Variants in ASTN2 observed in about 807,000 individuals in gnomAD.
ASTN2 encodes astrotactin 2.
Under a neutral mutation model 139.8 loss-of-function variants are expected in ASTN2, and 54 were observed. The ratio of observed to expected loss-of-function variants is 0.39; its 90% confidence interval spans 0.31 to 0.48. ASTN2 has a LOEUF of 0.48. Among genes scored for constraint, ASTN2 ranks in the 20% least tolerant of loss-of-function variants. The pLI is 0.95. For missense variants in ASTN2, 1,565 were observed against 1,725.1 expected, an observed-to-expected ratio of 0.91 and a Z score of 1.64; for synonymous variants, 756 against 719.5, an observed-to-expected ratio of 1.05 and a Z score of -0.81.
chr9:116,907,404 G>C (rs1360355634), intron 10 of ASTN2, among the ~76,000 whole-genome samples: 1 of 152,206 alleles, frequency 6.6e-6, no homozygotes, highest in Non-Finnish European at 1.5e-5. Context: ...CCTCAGGGAA[G>C]TGTCCGAGGC....
chr9:117,153,840 A>C (rs1312488380), intron 3 of ASTN2, among the ~76,000 whole-genome samples: 3 of 152,088 alleles, frequency 2.0e-5, no homozygotes, highest in African/African-American at 7.2e-5. Flanking sequence ...CAGTTTTTAG[A>C]GTTGAGCTAT....
At chr9:116,716,319 C>G (rs1196720529) in intron 16 of ASTN2, among the ~76,000 whole-genome samples, 1 of 152,174 alleles carries the variant, frequency 6.6e-6, no homozygotes, top group East Asian at 1.9e-4. Context: ...AATGAGCAGT[C>G]TGCCAATCAA....
At chr9:116,507,331 A>C (rs369005854) in intron 19 of ASTN2, among the ~76,000 whole-genome samples, 2 of 152,190 alleles carry the variant, frequency 1.3e-5, no homozygotes, top group South Asian at 2.1e-4. Flanking sequence ...AATTAAGTGA[A>C]TCTCCTGTTT....
At chr9:116,893,746 C>T (rs1833819082) in intron 10 of ASTN2, among the ~76,000 whole-genome samples, 1 of 152,068 alleles carries the variant, frequency 6.6e-6, no homozygotes, top group East Asian at 1.9e-4. Flanking sequence ...TCCCTTTATG[C>T]AACAGGCCAA....
chr9:116,572,127 T>G (rs1208054152), intron 19 of ASTN2, among the ~76,000 whole-genome samples: 1 of 152,120 alleles, frequency 6.6e-6, no homozygotes, highest in Non-Finnish European at 1.5e-5. Context: ...TGTCTCTGCC[T>G]CTGTGAAATG....
At chr9:116,837,897 C>G (rs925688619) in intron 11 of ASTN2, among the ~76,000 whole-genome samples, 2 of 152,158 alleles carry the variant, frequency 1.3e-5, no homozygotes, top group Admixed American at 6.5e-5. Context: ...AGGAACAGCA[C>G]TAGTCTTAGA....
chr9:116,573,500 T>C lies in ASTN2; in HGVS notation c.3355+44824A>G, dbSNP rs528893287. Among the ~76,000 whole-genome samples, 5 of 152,306 alleles carry C rather than the reference T, an allele frequency of 3.3e-5. No homozygotes were observed. In the East Asian group the frequency reaches 9.6e-4, roughly 29 times the overall value. ...TGTACTCAGCATTTCACAAAAGATATGAATAATGGATTTTTTTTCCAGAAT... is the reference window on the plus strand; with the variant it reads ...TGTACTCAGCATTTCACAAAAGATACGAATAATGGATTTTTTTTCCAGAAT... On this transcript the variant is annotated intron_variant, in intron 19 of 22. Coordinates refer to ENST00000313400, the MANE Select transcript of ASTN2 (RefSeq NM_001365068.1).
intron 3 of ASTN2, among the ~76,000 whole-genome samples, chr9:117,142,046 G>A (rs977087647): frequency 6.6e-6 from 1 of 152,194 alleles, no homozygotes; most frequent in Admixed American, 6.5e-5. Flanking sequence ...AAGCATGTGT[G>A]ATGATCTGAA....
chr9:117,046,016 GTA>G lies in ASTN2; in HGVS notation c.1277-6053_1277-6052del, dbSNP rs879546750. Among the ~76,000 whole-genome samples, 410 of 151,248 alleles carry G rather than the reference GTA, an allele frequency of 2.7e-3. 5 individuals carry two copies. The highest frequency in any genetic ancestry group is 6.8e-3 in the Middle Eastern group (2 of 292). On this transcript the variant is annotated intron_variant, in intron 5 of 22. Coordinates refer to ENST00000313400, the MANE Select transcript of ASTN2 (RefSeq NM_001365068.1). ...CGTATGTATGTATGTATGTATGTAT[GTA>G]TGTATGTAGTCTCACTCTGTCACCC...
At chr9:116,657,148 A>C (rs1858265879) in intron 16 of ASTN2, among the ~76,000 whole-genome samples, 1 of 152,176 alleles carries the variant, frequency 6.6e-6, no homozygotes, top group Admixed American at 6.5e-5. Context: ...AAATATCTTT[A>C]AGAAGGGGAA....
At chr9:117,256,413 A>C (rs967708246) in intron 2 of ASTN2, among the ~76,000 whole-genome samples, 5 of 152,172 alleles carry the variant, frequency 3.3e-5, no homozygotes, top group African/African-American at 1.2e-4. Flanking sequence ...TCTCACACAT[A>C]TTGGATAATG....
chr9:117,149,138 G>T (rs967590405), intron 3 of ASTN2, among the ~76,000 whole-genome samples: 1 of 152,006 alleles, frequency 6.6e-6, no homozygotes, highest in Admixed American at 6.6e-5. Flanking sequence ...TCGTGCCTCA[G>T]ACTCCCGAGT....
intron 10 of ASTN2, among the ~76,000 whole-genome samples, chr9:116,922,031 T>C (rs986884345): frequency 6.6e-6 from 1 of 152,194 alleles, no homozygotes; most frequent in African/African-American, 2.4e-5. Flanking sequence ...CATCTCCTAC[T>C]TCTCTATTCA....
intron 10 of ASTN2, among the ~76,000 whole-genome samples, chr9:116,943,001 C>A (rs1835283400): frequency 6.6e-6 from 1 of 152,200 alleles, no homozygotes; most frequent in South Asian, 2.1e-4. Flanking sequence ...CACATTTCCA[C>A]TGAGGGGGTG....
intron 5 of ASTN2, among the ~76,000 whole-genome samples, chr9:117,075,139 C>A (rs753570118): frequency 6.6e-6 from 1 of 152,172 alleles, no homozygotes; most frequent in African/African-American, 2.4e-5. Flanking sequence ...CATCCTTGGG[C>A]GATCCCTGCC....
chr9:117,204,298 A>T (rs530569824), intron 3 of ASTN2, among the ~76,000 whole-genome samples: 23 of 152,194 alleles, frequency 1.5e-4, no homozygotes, highest in Admixed American at 3.9e-4. Flanking sequence ...GCCTCATGTG[A>T]TCCACCTGCC....
intron 16 of ASTN2, among the ~76,000 whole-genome samples, chr9:116,707,424 G>C (rs1461046941): frequency 6.6e-6 from 1 of 151,914 alleles, no homozygotes; most frequent in African/African-American, 2.4e-5. Context: ...TGTTGGCACG[G>C]GAGAGAACCT....
At chr9:117,064,523 C>T (rs1039514339) in intron 5 of ASTN2, among the ~76,000 whole-genome samples, 3 of 152,094 alleles carry the variant, frequency 2.0e-5, no homozygotes, top group African/African-American at 4.8e-5. Context: ...GAACTGGAGG[C>T]CATTATCCTA....
chr9:116,874,382 C>G (rs569233773), intron 10 of ASTN2, among the ~76,000 whole-genome samples: 2 of 152,164 alleles, frequency 1.3e-5, no homozygotes, highest in Admixed American at 6.5e-5. Context: ...GAGTCCTCCT[C>G]GGTCACATCC....
Sources: allele counts gnomAD v4.1 joint callset (sites outside exome capture counted in the v4.1 genomes callset), GRCh38; gene constraint gnomAD v4.1.1; transcripts MANE v1.5; gene names NCBI Gene and HGNC (gene_info 2026-07-23, HGNC 2026-07-21).